ROBO1: variants seen among roughly 807,000 people sequenced by gnomAD.
ROBO1 encodes the protein roundabout guidance receptor 1, also known as roundabout homolog 1.
In ROBO1, 149 loss-of-function variants were observed where a neutral mutation model predicts 195.9. The observed-to-expected ratio is 0.76, with a 90% CI of 0.67 to 0.87. The LOEUF (loss-of-function observed/expected upper bound fraction) is 0.87. ROBO1 is among the 40% of genes least tolerant of loss of function. The pLI is 0.00. For synonymous variants in ROBO1, 816 were observed against 733.2 expected, an observed-to-expected ratio of 1.11 and a Z score of -1.82; for missense variants, 1,933 against 2,068.3, an observed-to-expected ratio of 0.93 and a Z score of 1.27.
At position 79,545,110 on chromosome 3, in the gene ROBO1, AAC is replaced by A. The variant is rs111227960; in HGVS notation, c.88+44712_88+44713del. On this transcript the variant is annotated intron_variant, in intron 2 of 30. Coordinates refer to ENST00000464233, the MANE Select transcript of ROBO1 (RefSeq NM_002941.4). ...ATGGATAGAATTAAAAAAAGAAAAA[AAC>A]AGTGTTACTCAATGAGCTGCGTATG... is the stretch of plus-strand genomic sequence containing the variant. Among the ~76,000 whole-genome samples, 881 of 152,274 alleles carry A rather than the reference AAC, an allele frequency of 5.8e-3. 9 individuals carry two copies. Among genetic ancestry groups the A allele is most frequent in the African/African-American group, 0.02 (836 of 41,566 alleles).
chr3:78,849,851 C>T (rs1167451097), intron 4 of ROBO1, among the ~76,000 whole-genome samples: 2 of 151,682 alleles, frequency 1.3e-5, no homozygotes, highest in East Asian at 3.9e-4. Flanking sequence ...CACACACACA[C>T]ACACACACAC....
At chr3:79,647,387 T>G (rs949882059) in intron 1 of ROBO1, among the ~76,000 whole-genome samples, 1 of 151,990 alleles carries the variant, frequency 6.6e-6, no homozygotes, top group African/African-American at 2.4e-5. Context: ...TAAGGAAAAT[T>G]TCTATGATCC....
At position 79,501,407 on chromosome 3, in the gene ROBO1, AT is replaced by A. The variant is rs1489744971; in HGVS notation, c.88+88416del. Among the ~76,000 whole-genome samples the A allele has an allele frequency of 2.6e-5, 4 of 152,178 alleles. No individual in the cohort carries two copies. In the East Asian group the frequency reaches 7.7e-4, roughly 29 times the overall value. ...GCAGAGCAAAAAGCTATTTCTTGGCATTGATGTCTTCTGAGGGAATAAAATA... is the reference window on the plus strand; with the variant it reads ...GCAGAGCAAAAAGCTATTTCTTGGCATGATGTCTTCTGAGGGAATAAAATA... On this transcript the variant is annotated intron_variant, in intron 2 of 30. Coordinates refer to ENST00000464233, the MANE Select transcript of ROBO1 (RefSeq NM_002941.4).
At chr3:78,964,870 G>C (rs1056576904) in intron 3 of ROBO1, among the ~76,000 whole-genome samples, 3 of 145,330 alleles carry the variant, frequency 2.1e-5, no homozygotes, top group African/African-American at 7.7e-5. Flanking sequence ...TTTTTGTAGA[G>C]ACAGATTCTC....
At chr3:79,210,873 G>T (rs534318689) in intron 2 of ROBO1, among the ~76,000 whole-genome samples, 68 of 152,048 alleles carry the variant, frequency 4.5e-4, no homozygotes, top group Non-Finnish European at 7.1e-4. Context: ...ACAGACAGCA[G>T]GTCTAAATCA....
chr3:79,015,083 CT>C (rs2077889864), intron 3 of ROBO1, among the ~76,000 whole-genome samples: 1 of 152,196 alleles, frequency 6.6e-6, no homozygotes, highest in Non-Finnish European at 1.5e-5. Flanking sequence ...TAAGAAAAAA[CT>C]TCAGGTAAAC....
At chr3:79,362,397 T>C (rs1201210713) in intron 2 of ROBO1, among the ~76,000 whole-genome samples, 1 of 152,250 alleles carries the variant, frequency 6.6e-6, no homozygotes, top group East Asian at 1.9e-4. Flanking sequence ...CAGAACATTA[T>C]ATTTAAGCTA....
rs377241477 is a variant in ROBO1, at chr3:78,606,768, C to T, written c.4709G>A (p.Arg1570Gln). The T allele has an allele frequency of 2.7e-5, 44 of 1,613,728 alleles. No individual in the cohort carries two copies. The highest frequency in any genetic ancestry group is 1.5e-4 in the African/African-American group (11 of 74,878). The change falls in exon 29 of 31, where the codon CGA becomes CAA. Residue 1570 changes from arginine to glutamine, a missense_variant. This residue lies in a region of ROBO1 where 1,737 missense variants were observed against 1,882.5 expected (regional missense o/e 0.92). Coordinates refer to ENST00000464233, the MANE Select transcript of ROBO1 (RefSeq NM_002941.4). ...GKGRGNKAAK[R>Q]DLPPAKTHLI... ...ATGAGTCTTTGCTGGTGGAAGGTCT[C>T]GTTTTGCTGCCTTGTTTCCACGTCC...
At chr3:79,143,756 G>A (rs943909539) in intron 2 of ROBO1, among the ~76,000 whole-genome samples, 6 of 151,920 alleles carry the variant, frequency 3.9e-5, no homozygotes, top group Middle Eastern at 3.4e-3. Context: ...GTACAGTATC[G>A]CAAACAGGAT....
intron 2 of ROBO1, among the ~76,000 whole-genome samples, chr3:79,484,503 A>ATGTG (rs201217356): frequency 2.6e-5 from 4 of 151,724 alleles, no homozygotes; most frequent in African/African-American, 9.7e-5. Flanking sequence ...ATATATATAT[A>ATGTG]TGTGTGTGTG....
intron 2 of ROBO1, among the ~76,000 whole-genome samples, chr3:79,317,979 C>A (rs998211347): frequency 6.6e-6 from 1 of 152,026 alleles, no homozygotes; most frequent in Admixed American, 6.6e-5. Flanking sequence ...CGTAAACTAG[C>A]AAATCCAAAA....
At chr3:79,192,688 T>C (rs1213100313) in intron 2 of ROBO1, among the ~76,000 whole-genome samples, 1 of 151,594 alleles carries the variant, frequency 6.6e-6, no homozygotes, top group Non-Finnish European at 1.5e-5. Context: ...GTGGTTGGAA[T>C]ATAATGAATG....
intron 3 of ROBO1, chr3:79,018,402 G>A (rs372110538): frequency 1.2e-6 from 2 of 1,613,870 alleles, no homozygotes; most frequent in East Asian, 2.2e-5. Context: ...AAGACGCGGG[G>A]TTACCTGAAC....
At chr3:78,708,387 A>G (rs1034951137) in intron 8 of ROBO1, among the ~76,000 whole-genome samples, 11 of 151,446 alleles carry the variant, frequency 7.3e-5, no homozygotes, top group African/African-American at 2.4e-4. Context: ...GAGTAAATAG[A>G]TTTTTTTTTC....
chr3:79,106,650 G>A (rs77697496), intron 3 of ROBO1, among the ~76,000 whole-genome samples: 4,040 of 151,538 alleles, frequency 0.027, 175 homozygotes, highest in African/African-American at 0.09. Flanking sequence ...TAAAATTTAA[G>A]TCTACTTCTG....
At chr3:78,655,673 G>C (rs918308119) in intron 18 of ROBO1, among the ~76,000 whole-genome samples, 2 of 152,136 alleles carry the variant, frequency 1.3e-5, no homozygotes, top group African/African-American at 4.8e-5. Flanking sequence ...TTTATGTATA[G>C]CAATGAAGTT....
chr3:79,649,920 C>T (rs1161551514), intron 1 of ROBO1, among the ~76,000 whole-genome samples: 2 of 151,760 alleles, frequency 1.3e-5, no homozygotes, highest in Non-Finnish European at 2.9e-5. Context: ...CTGGAAAACC[C>T]TAATACAAAT....
At chr3:78,988,138 C>A (rs2077155176) in intron 3 of ROBO1, among the ~76,000 whole-genome samples, 1 of 152,118 alleles carries the variant, frequency 6.6e-6, no homozygotes, top group Admixed American at 6.5e-5. Flanking sequence ...CACAACCTAA[C>A]TATCCAAATG....
intron 4 of ROBO1, among the ~76,000 whole-genome samples, chr3:78,908,962 A>T (rs1297334687): frequency 6.6e-6 from 1 of 151,952 alleles, no homozygotes; most frequent in East Asian, 1.9e-4. Context: ...CACTAAAAAC[A>T]ACTAGAATGA....
Sources: gnomAD v4.1 joint callset for allele counts (sites outside exome capture counted in the v4.1 genomes callset) on GRCh38, gnomAD v4.1.1 for gene constraint, gnomAD v4.1.1 regional missense constraint, MANE v1.5 for transcripts, NCBI Gene and HGNC (gene_info 2026-07-23, HGNC 2026-07-21) for gene names.